CPS1: variants seen among roughly 807,000 people sequenced by gnomAD.
CPS1 encodes carbamoyl-phosphate synthase 1.
CPS1 carries 109 observed loss-of-function variants against 174.6 expected under a neutral mutation model. The ratio of observed to expected loss-of-function variants is 0.62; its 90% confidence interval spans 0.53 to 0.73. CPS1 has a LOEUF of 0.73. Among genes scored for constraint, CPS1 ranks in the 30% least tolerant of loss-of-function variants. CPS1 has a pLI of 0.00. For synonymous variants in CPS1, 637 were observed against 632.0 expected, an observed-to-expected ratio of 1.01 and a Z score of -0.12; for missense variants, 1,689 against 1,821.9, an observed-to-expected ratio of 0.93 and a Z score of 1.33.
At chr2:210,641,437 A>T (rs1172794338) in intron 24 of CPS1, among the ~76,000 whole-genome samples, 1 of 152,016 alleles carries the variant, frequency 6.6e-6, no homozygotes, top group African/African-American at 2.4e-5. Context: ...GCTTTTCTAT[A>T]ACAGCATTAA....
intron 1 of CPS1, among the ~76,000 whole-genome samples, chr2:210,498,624 T>C (rs1005438389): frequency 5.3e-5 from 8 of 152,204 alleles, no homozygotes; most frequent in African/African-American, 1.9e-4. Flanking sequence ...TCTTCTTTAC[T>C]TATTTGGATG....
chr2:210,599,475 C>A lies in CPS1; in HGVS notation c.1463C>A (p.Thr488Asn). The A allele has an allele frequency of 6.2e-7, 1 of 1,612,564 alleles. No individual in the cohort carries two copies. ...QADTVYFLPI[T>N]PQFVTEVIKA... The stretch of plus-strand genomic sequence containing the variant: ...GATACTGTCTACTTTCTTCCCATCA[C>A]CCCTCAGTTTGTCACAGAGGTCATC... The change falls in exon 14 of 38, where the codon ACC becomes AAC. Residue 488 changes from threonine to asparagine, a missense_variant. Coordinates refer to ENST00000233072, the MANE Select transcript of CPS1 (RefSeq NM_001875.5).
intron 3 of CPS1, among the ~76,000 whole-genome samples, chr2:210,576,989 A>AT (rs1057109512): frequency 1.3e-5 from 2 of 152,020 alleles, no homozygotes; most frequent in African/African-American, 4.8e-5. Flanking sequence ...ATTCAATACT[A>AT]TTTTTTCACC....
intron 1 of CPS1, among the ~76,000 whole-genome samples, chr2:210,486,107 C>T (rs1574459457): frequency 1.6e-5 from 1 of 63,334 alleles, no homozygotes; most frequent in Non-Finnish European, 3.0e-5. Context: ...TATATATACA[C>T]ACACACATAC....
intron 13 of CPS1, 125 bp from the exon 14 acceptor site, chr2:210,599,247 G>A: frequency 2.5e-6 from 2 of 814,900 alleles, no homozygotes; most frequent in South Asian, 2.9e-5. Context: ...CACTAGTCCT[G>A]TTACGGATCT....
At chr2:210,671,951 C>CA (rs1435637868) in intron 34 of CPS1, 1 of 152,126 alleles carries the variant, frequency 6.6e-6, no homozygotes, top group Admixed American at 6.6e-5. Flanking sequence ...AAGGTTAATG[C>CA]AATCTTGACT....
At chr2:210,571,703 G>A (rs1697495335) in intron 1 of CPS1, among the ~76,000 whole-genome samples, 1 of 151,950 alleles carries the variant, frequency 6.6e-6, no homozygotes, top group Non-Finnish European at 1.5e-5. Flanking sequence ...TCTAAAAGAG[G>A]CATCTTATTT....
At chr2:210,577,590 C>T in intron 4 of CPS1, 80 bp downstream of exon 4, 1 of 996,460 alleles carries the variant, frequency 1.0e-6, no homozygotes, top group Non-Finnish European at 1.6e-6. Context: ...GCCAAGCAGA[C>T]AGAGGAAGAT....
chr2:210,652,442 G>A (rs987191457), intron 28 of CPS1, among the ~76,000 whole-genome samples: 7 of 152,008 alleles, frequency 4.6e-5, no homozygotes, highest in Non-Finnish European at 1.0e-4. Flanking sequence ...ACAGTGCCTC[G>A]GATTAGAGTA....
chr2:210,597,058 C>T (rs1414122008), intron 13 of CPS1, among the ~76,000 whole-genome samples: 1 of 151,768 alleles, frequency 6.6e-6, no homozygotes, highest in African/African-American at 2.4e-5. Flanking sequence ...GGATCTTTTC[C>T]TGTATAATTT....
chr2:210,591,965 A>G lies in CPS1; in HGVS notation c.1082A>G (p.Asn361Ser). Residue 361 changes from asparagine (N) to serine (S), a missense_variant, in exon 10 of 38, where the codon AAT (asparagine) becomes AGT (serine). Coordinates refer to ENST00000233072, the MANE Select transcript of CPS1 (RefSeq NM_001875.5). ...PLFVNVNDQT[N>S]EGIMHESKPF... ...TTTGTGAATGTCAACGATCAAACAA[A>G]TGAGGTAAATGATGTCAATAAACCT... 6.2e-7 allele frequency: 1 copy of G among 1,611,018 alleles called. No individual in the cohort carries two copies. The highest frequency in any genetic ancestry group is 8.5e-7 in the Non-Finnish European group (1 of 1,178,574).
chr2:210,556,332 C>T (rs983950735), upstream of CPS1: 27 of 459,778 alleles, frequency 5.9e-5, 1 homozygote, highest in Admixed American at 3.5e-4. Flanking sequence ...GCCTGTGATC[C>T]TTAGCATGTT....
At position 210,512,877 on chromosome 2, in the gene CPS1, G is replaced by T. The variant is rs1370337636; in HGVS notation, c.3+35111G>T. Reference sequence around the variant, plus strand: ...ATATATATATAGATATATATATATAGAGATATATATATGGAGATATATATA... The same window carrying T: ...ATATATATATAGATATATATATATATAGATATATATATGGAGATATATATA... On this transcript the variant is annotated intron_variant, in intron 1 of 38. Transcript: ENST00000430249. Among the ~76,000 whole-genome samples, 9 of 48,086 alleles carry T rather than the reference G, an allele frequency of 1.9e-4. 1 individual carries two copies. Among genetic ancestry groups the T allele is most frequent in the Non-Finnish European group, 2.7e-4 (6 of 21,956 alleles). The allele number at this position is 48,086 out of a possible 152,430, so 31.5% of individuals were successfully genotyped here. A position where few individuals can be genotyped will look rare whatever the true frequency, so the allele number is the denominator to read the frequency against.
chr2:210,628,672 C>T (rs923676315), intron 21 of CPS1, among the ~76,000 whole-genome samples: 1 of 151,952 alleles, frequency 6.6e-6, no homozygotes, highest in Admixed American at 6.6e-5. Context: ...TGGTGGCAGG[C>T]GCCTGCAGTT....
intron 34 of CPS1, among the ~76,000 whole-genome samples, chr2:210,668,772 C>T (rs1701191850): frequency 1.3e-5 from 2 of 152,108 alleles, no homozygotes; most frequent in Non-Finnish European, 2.9e-5. Context: ...TTTACATCCT[C>T]AGCCATCCCA....
At chr2:210,629,536 T>C (rs1699799271) in intron 21 of CPS1, among the ~76,000 whole-genome samples, 1 of 151,404 alleles carries the variant, frequency 6.6e-6, no homozygotes, top group Non-Finnish European at 1.5e-5. Flanking sequence ...AGGACGGTCT[T>C]GATCTCCTGA....
intron 21 of CPS1, among the ~76,000 whole-genome samples, chr2:210,629,256 A>C (rs904020883): frequency 1.3e-5 from 2 of 152,228 alleles, no homozygotes; most frequent in Non-Finnish European, 2.9e-5. Context: ...CATAGTATGG[A>C]CTTAACCCGT....
intron 30 of CPS1, chr2:210,657,265 T>C (rs1393777252): frequency 6.4e-6 from 1 of 155,054 alleles, no homozygotes; most frequent in Non-Finnish European, 1.4e-5. Context: ...GACTCTGCCT[T>C]AGTACTCAAT....
intron 1 of CPS1, among the ~76,000 whole-genome samples, chr2:210,521,699 A>G (rs538261804): frequency 6.6e-6 from 1 of 152,004 alleles, no homozygotes; most frequent in Admixed American, 6.6e-5. Context: ...ATCTCTCATG[A>G]CTCAACTGCT....
Sources: gnomAD v4.1 joint callset for allele counts (sites outside exome capture counted in the v4.1 genomes callset) on GRCh38, gnomAD v4.1.1 for gene constraint, MANE v1.5 for transcripts, NCBI Gene and HGNC (gene_info 2026-07-23, HGNC 2026-07-21) for gene names.